The following CAMK1D variants were observed in gnomAD, a reference collection of about 807,000 sequenced individuals.
CAMK1D encodes calcium/calmodulin-dependent protein kinase type 1D.
In CAMK1D, 9 loss-of-function variants were observed where a neutral mutation model predicts 47.7. The observed-to-expected ratio is 0.19, with a 90% CI of 0.11 to 0.33. The LOEUF (loss-of-function observed/expected upper bound fraction) is 0.33, where lower values mean the gene tolerates loss of function less well. Among genes scored for constraint, CAMK1D ranks in the 10% least tolerant of loss-of-function variants. The pLI, the probability that CAMK1D is intolerant of heterozygous loss-of-function variation, is 1.00. For missense variants in CAMK1D, 291 were observed against 488.7 expected, an observed-to-expected ratio of 0.60 and a Z score of 3.81; for synonymous variants, 184 against 184.9, an observed-to-expected ratio of 0.99 and a Z score of 0.04.
In CAMK1D at chr10:12,830,947, ACACACACACACACACAC is replaced by A; in HGVS notation, c.*2061_*2077del. On this transcript the variant is annotated 3_prime_UTR_variant, in exon 11 of 11. Coordinates refer to ENST00000619168, the MANE Select transcript of CAMK1D (RefSeq NM_153498.4). ...AATAAACACACACACACACACACAC[ACACACACACACACACAC>A]AATGTTATTAGGCACAGCAGCTCCA... 6.5e-6 allele frequency: 1 copy of A among 153,698 alleles called. No individual in the cohort carries two copies. The highest frequency in any genetic ancestry group is 2.4e-5 in the African/African-American group (1 of 41,068). 9.5% of individuals were successfully genotyped at this position (153,698 alleles called of 1,614,324 possible).
chr10:12,394,532 T>A (rs540302114), intron 1 of CAMK1D, among the ~76,000 whole-genome samples: 1 of 152,136 alleles, frequency 6.6e-6, no homozygotes, highest in African/African-American at 2.4e-5. Flanking sequence ...TTATGATGAA[T>A]AACAAGAGAT....
At chr10:12,573,015 G>A (rs1837374443) in intron 2 of CAMK1D, among the ~76,000 whole-genome samples, 1 of 152,202 alleles carries the variant, frequency 6.6e-6, no homozygotes, top group African/African-American at 2.4e-5. Context: ...GGAGGGAGGC[G>A]AGTGTTTAAA....
At chr10:12,639,725 T>C (rs1343522017) in intron 2 of CAMK1D, among the ~76,000 whole-genome samples, 3 of 152,208 alleles carry the variant, frequency 2.0e-5, no homozygotes, top group Admixed American at 6.5e-5. Flanking sequence ...TTAGTGATAT[T>C]GATTTGCATA....
In CAMK1D at chr10:12,571,077, C is replaced by G. The variant is rs565198925; in HGVS notation, c.224+17721C>G. On this transcript the variant is annotated intron_variant, in intron 2 of 10. Coordinates refer to ENST00000619168, the MANE Select transcript of CAMK1D (RefSeq NM_153498.4). The stretch of plus-strand genomic sequence containing the variant: ...ACTGATGTGGCCTCAGTGTTGGGGT[C>G]TAGTCTTTTGGGCCCCTTGCTACTC... Among the ~76,000 whole-genome samples, 5 of 152,240 alleles carry G rather than the reference C, an allele frequency of 3.3e-5. No homozygotes were observed. The East Asian group carries it at 9.7e-4, about 29-fold the overall frequency.
At chr10:12,582,743 T>G (rs990252056) in intron 2 of CAMK1D, among the ~76,000 whole-genome samples, 1 of 152,226 alleles carries the variant, frequency 6.6e-6, no homozygotes, top group African/African-American at 2.4e-5. Context: ...CTTTGCTGAA[T>G]TCATTTATCA....
chr10:12,646,301 C>T (rs974955804), intron 2 of CAMK1D, among the ~76,000 whole-genome samples: 4 of 152,138 alleles, frequency 2.6e-5, no homozygotes, highest in African/African-American at 7.2e-5. Context: ...CAAAGAGAAC[C>T]GTCTCTGAGC....
intron 2 of CAMK1D, among the ~76,000 whole-genome samples, chr10:12,614,834 C>G (rs914533929): frequency 6.6e-6 from 1 of 152,190 alleles, no homozygotes; most frequent in African/African-American, 2.4e-5. Context: ...TCCTCTGATT[C>G]TTTGAGTACC....
intron 2 of CAMK1D, among the ~76,000 whole-genome samples, chr10:12,558,816 G>T (rs916412397): frequency 1.3e-5 from 2 of 152,156 alleles, no homozygotes; most frequent in African/African-American, 4.8e-5. Flanking sequence ...ATGCTGTTCT[G>T]ATGCCTGCTT....
intron 3 of CAMK1D, among the ~76,000 whole-genome samples, chr10:12,704,659 A>G (rs918040579): frequency 1.3e-5 from 2 of 152,196 alleles, no homozygotes; most frequent in African/African-American, 4.8e-5. Context: ...TAAAATGACA[A>G]CTGGGAATGA....
At chr10:12,473,109 G>C (rs1249355171) in intron 1 of CAMK1D, among the ~76,000 whole-genome samples, 1 of 152,118 alleles carries the variant, frequency 6.6e-6, no homozygotes, top group Non-Finnish European at 1.5e-5. Flanking sequence ...GAGGGGAGAG[G>C]GTGCGCCAGG....
At chr10:12,462,072 C>T (rs939562884) in intron 1 of CAMK1D, among the ~76,000 whole-genome samples, 4 of 151,050 alleles carry the variant, frequency 2.6e-5, no homozygotes, top group African/African-American at 9.8e-5. Flanking sequence ...TGTGTTCTGT[C>T]GAAGTCCAAA....
At chr10:12,631,878 C>G (rs1839389384) in intron 2 of CAMK1D, among the ~76,000 whole-genome samples, 1 of 152,186 alleles carries the variant, frequency 6.6e-6, no homozygotes, top group Non-Finnish European at 1.5e-5. Context: ...CTGAAAGTTT[C>G]TCCAGGAGGC....
intron 1 of CAMK1D, among the ~76,000 whole-genome samples, chr10:12,425,790 A>G (rs1290961440): frequency 6.6e-6 from 1 of 152,252 alleles, no homozygotes; most frequent in East Asian, 1.9e-4. Context: ...AAGCGAATAT[A>G]TGGGCGAGAC....
chr10:12,612,117 T>A (rs910894433), intron 2 of CAMK1D, among the ~76,000 whole-genome samples: 2 of 151,634 alleles, frequency 1.3e-5, no homozygotes, highest in Non-Finnish European at 1.5e-5. Flanking sequence ...CTTTCTGTCC[T>A]CTCTTTCTCT....
chr10:12,749,336 G>C (rs114126383), intron 3 of CAMK1D, among the ~76,000 whole-genome samples: 1,529 of 151,096 alleles, frequency 0.01, 30 homozygotes, highest in African/African-American at 0.035. Flanking sequence ...TGGTTTTATA[G>C]GTTGTTAAAA....
chr10:12,496,074 C>T (rs1834530236), intron 1 of CAMK1D, among the ~76,000 whole-genome samples: 1 of 152,082 alleles, frequency 6.6e-6, no homozygotes, highest in African/African-American at 2.4e-5. Flanking sequence ...AGCAATCCTC[C>T]TGCCTCGGCC....
chr10:12,624,346 G>A (rs551771154), intron 2 of CAMK1D, among the ~76,000 whole-genome samples: 167 of 152,164 alleles, frequency 1.1e-3, no homozygotes, highest in Middle Eastern at 3.4e-3. Context: ...CCGATCTCTA[G>A]AACTTATTCA....
At chr10:12,424,728 G>A (rs1056289849) in intron 1 of CAMK1D, among the ~76,000 whole-genome samples, 1 of 152,116 alleles carries the variant, frequency 6.6e-6, no homozygotes, top group Non-Finnish European at 1.5e-5. Context: ...AGGATCACTT[G>A]AGCCCAGGAG....
At chr10:12,760,855 TGCAATAAAG>T in intron 3 of CAMK1D, 84 bp from the exon 4 acceptor site, 1 of 1,386,354 alleles carries the variant, frequency 7.2e-7, no homozygotes, top group Admixed American at 1.8e-5. Context: ...GATTCATTTT[TGCAATAAAG>T]TTTGGGATTT....
Sources: gnomAD v4.1 joint callset for allele counts (sites outside exome capture counted in the v4.1 genomes callset) on GRCh38, gnomAD v4.1.1 for gene constraint, MANE v1.5 for transcripts, NCBI Gene and HGNC (gene_info 2026-07-23, HGNC 2026-07-21) for gene names.